The following TSPAN18 variants were observed in gnomAD, a reference collection of about 807,000 sequenced individuals.
TSPAN18 encodes the protein tetraspanin-18.
A neutral mutation model predicts 27.3 loss-of-function variants in TSPAN18; 14 were observed. That is an observed-to-expected ratio of 0.51 (90% CI 0.34 to 0.80). The LOEUF (loss-of-function observed/expected upper bound fraction) is 0.80. Among genes scored for constraint, TSPAN18 ranks in the 30% least tolerant of loss-of-function variants. The pLI is 0.01. For missense variants in TSPAN18, 268 were observed against 323.9 expected, an observed-to-expected ratio of 0.83 and a Z score of 1.32; for synonymous variants, 143 against 136.5, an observed-to-expected ratio of 1.05 and a Z score of -0.33.
chr11:44,803,249 G>A (rs1172341606), intron 2 of TSPAN18, among the ~76,000 whole-genome samples: 1 of 152,178 alleles, frequency 6.6e-6, no homozygotes, highest in Non-Finnish European at 1.5e-5. Context: ...AGGATTTACT[G>A]AGGTGGCCTT....
At chr11:44,766,336 G>C (rs1381421135) in intron 2 of TSPAN18, among the ~76,000 whole-genome samples, 1 of 152,204 alleles carries the variant, frequency 6.6e-6, no homozygotes, top group Non-Finnish European at 1.5e-5. Context: ...GACAGCGTCT[G>C]TGTCCCACGG....
At chr11:44,758,372 A>T (rs1038453362) in intron 1 of TSPAN18, among the ~76,000 whole-genome samples, 1 of 152,120 alleles carries the variant, frequency 6.6e-6, no homozygotes, top group South Asian at 2.1e-4. Flanking sequence ...TGTATGCTTA[A>T]CCATCCTTGC....
intron 1 of TSPAN18, among the ~76,000 whole-genome samples, chr11:44,733,715 A>G (rs1854719791): frequency 1.3e-5 from 2 of 152,212 alleles, no homozygotes; most frequent in African/African-American, 4.8e-5. Flanking sequence ...AGGGAGAGCC[A>G]TAAGAATTTG....
chr11:44,903,566 T>A (rs1214733642), intron 3 of TSPAN18: 1 of 455,760 alleles, frequency 2.2e-6, no homozygotes, highest in East Asian at 7.0e-5. Context: ...GAAGGGGAGG[T>A]AGGGAGGCCA....
rs546074040 is a variant in TSPAN18 at position 44,765,129 on chromosome 11, C to T, written c.-153+617C>T. ...CTTTCTGGATGAAAAGCCAGGATGT[C>T]TGTCCTCTGAGCAGCCTCAGCCACC... On this transcript the variant is annotated intron_variant, in intron 2 of 9. Transcript: ENST00000520358. Among the ~76,000 whole-genome samples, 14 of 152,292 alleles carry T rather than the reference C, an allele frequency of 9.2e-5. No individual in the cohort carries two copies. The South Asian group carries it at 2.9e-3, about 32-fold the overall frequency.
intron 3 of TSPAN18, among the ~76,000 whole-genome samples, chr11:44,894,365 C>A (rs1274130535): frequency 1.3e-5 from 2 of 152,208 alleles, no homozygotes; most frequent in Non-Finnish European, 2.9e-5. Flanking sequence ...CACGTGCAAG[C>A]CCTTTCTCGG....
chr11:44,888,613 G>A (rs1858739473), intron 3 of TSPAN18, among the ~76,000 whole-genome samples: 1 of 152,162 alleles, frequency 6.6e-6, no homozygotes, highest in African/African-American at 2.4e-5. Flanking sequence ...TGCATTTGGA[G>A]GTTGCCTGGT....
At chr11:44,781,054 T>G (rs1010744189) in intron 2 of TSPAN18, among the ~76,000 whole-genome samples, 2 of 152,172 alleles carry the variant, frequency 1.3e-5, no homozygotes, top group Non-Finnish European at 1.5e-5. Flanking sequence ...ATTAAGGACA[T>G]CTGATGCTCT....
intron 2 of TSPAN18, among the ~76,000 whole-genome samples, chr11:44,805,984 A>G (rs1211653863): frequency 3.3e-5 from 5 of 151,898 alleles, no homozygotes; most frequent in African/African-American, 4.8e-5. Context: ...CTTTCCATAT[A>G]AGGTCGCATG....
chr11:44,904,735 G>A (rs914294254), intron 3 of TSPAN18, among the ~76,000 whole-genome samples: 15 of 152,234 alleles, frequency 9.9e-5, no homozygotes, highest in East Asian at 1.9e-4. Flanking sequence ...GGCAGGCACC[G>A]CTCTGCTCCA....
At chr11:44,919,585 A>C (rs1040094812) in intron 7 of TSPAN18, 17 of 609,298 alleles carry the variant, frequency 2.8e-5, no homozygotes, top group Non-Finnish European at 5.0e-5. Flanking sequence ...ATGGATGGCT[A>C]AGCGCCTGGT....
intron 6 of TSPAN18, among the ~76,000 whole-genome samples, chr11:44,918,707 G>T (rs1174866040): frequency 6.6e-6 from 1 of 152,092 alleles, no homozygotes; most frequent in Non-Finnish European, 1.5e-5. Flanking sequence ...CTCCTCTGCT[G>T]GGCACCACCC....
At chr11:44,906,504 G>A (rs1010770581) in intron 4 of TSPAN18, 25 bp downstream of exon 4, 3 of 1,598,374 alleles carry the variant, frequency 1.9e-6, no homozygotes, top group Non-Finnish European at 1.7e-6. Context: ...GTCTTCCCAG[G>A]CCTCTGCTGG....
At chr11:44,751,135 G>A (rs1855200966) in intron 1 of TSPAN18, among the ~76,000 whole-genome samples, 1 of 152,192 alleles carries the variant, frequency 6.6e-6, no homozygotes, top group African/African-American at 2.4e-5. Context: ...CTGAGTGATG[G>A]GAGGTTCAGG....
intron 2 of TSPAN18, among the ~76,000 whole-genome samples, chr11:44,781,155 C>G (rs1034965841): frequency 6.6e-6 from 1 of 152,194 alleles, no homozygotes; most frequent in African/African-American, 2.4e-5. Context: ...CCTGGCCAGT[C>G]TCTCCCCATG....
chr11:44,731,897 T>G (rs1424683788), intron 1 of TSPAN18, among the ~76,000 whole-genome samples: 1 of 152,180 alleles, frequency 6.6e-6, no homozygotes, highest in Non-Finnish European at 1.5e-5. Context: ...TTTCCCACCC[T>G]TCACCATGGT....
At chr11:44,730,853 T>TA (rs1436119951) in intron 1 of TSPAN18, among the ~76,000 whole-genome samples, 1 of 151,920 alleles carries the variant, frequency 6.6e-6, no homozygotes, top group Non-Finnish European at 1.5e-5. Context: ...CGCAAACTCC[T>TA]GACCTCGTGA....
chr11:44,792,647 A>T (rs1856255251), intron 2 of TSPAN18, among the ~76,000 whole-genome samples: 1 of 152,176 alleles, frequency 6.6e-6, no homozygotes, highest in African/African-American at 2.4e-5. Context: ...GTGTGGAGTG[A>T]TGTAGAAACC....
intron 1 of TSPAN18, among the ~76,000 whole-genome samples, chr11:44,739,052 G>A (rs1186460535): frequency 6.6e-6 from 1 of 152,138 alleles, no homozygotes; most frequent in Non-Finnish European, 1.5e-5. Context: ...TTAACAGCAG[G>A]GTTGGGAGGA....
Sources: gnomAD v4.1 joint callset for allele counts (sites outside exome capture counted in the v4.1 genomes callset) on GRCh38, gnomAD v4.1.1 for gene constraint, MANE v1.5 for transcripts, NCBI Gene and HGNC (gene_info 2026-07-23, HGNC 2026-07-21) for gene names.